The following RBFOX1 variants were observed in gnomAD, a reference collection of about 807,000 sequenced individuals.
RBFOX1 encodes the protein RNA binding protein fox-1 homolog 1.
Under a neutral mutation model 57.7 loss-of-function variants are expected in RBFOX1, and 8 were observed. The ratio of observed to expected loss-of-function variants is 0.14; its 90% CI spans 0.08 to 0.25. The LOEUF (loss-of-function observed/expected upper bound fraction) is 0.25. Among genes scored for constraint, RBFOX1 ranks in the 10% least tolerant of loss-of-function variants. The probability of loss-of-function intolerance (pLI) is 1.00; values close to 1 mark genes in which losing one functional copy is unlikely to be tolerated. For missense variants in RBFOX1, 611 were observed against 548.5 expected (o/e 1.11, Z -1.14); for synonymous variants, 326 against 222.4 (o/e 1.47, Z -4.15).
intron 14 of RBFOX1, among the ~76,000 whole-genome samples, chr16:7,700,238 G>T (rs1247667053): frequency 6.6e-6 from 1 of 152,142 alleles, no homozygotes; most frequent in Non-Finnish European, 1.5e-5. Context: ...GGCAATAGCT[G>T]CAGTCCTCTC....
intron 4 of RBFOX1, among the ~76,000 whole-genome samples, chr16:5,969,973 C>A (rs781205830): frequency 6.6e-6 from 1 of 152,092 alleles, no homozygotes; most frequent in Admixed American, 6.5e-5. Flanking sequence ...TCGCAGCTCA[C>A]TGGGGATACG....
At chr16:6,221,769 C>G (rs1289335615) in intron 1 of RBFOX1, among the ~76,000 whole-genome samples, 1 of 152,058 alleles carries the variant, frequency 6.6e-6, no homozygotes, top group Non-Finnish European at 1.5e-5. Flanking sequence ...CAGAGGAACT[C>G]CCATCTATAA....
chr16:6,119,452 C>T (rs556798382), intron 1 of RBFOX1, among the ~76,000 whole-genome samples: 5 of 152,236 alleles, frequency 3.3e-5, no homozygotes, highest in African/African-American at 9.6e-5. Context: ...CAAGTTTCTT[C>T]ATGGTAAGAT....
chr16:6,251,928 C>T (rs893562137), intron 1 of RBFOX1, among the ~76,000 whole-genome samples: 1 of 152,132 alleles, frequency 6.6e-6, no homozygotes, highest in African/African-American at 2.4e-5. Flanking sequence ...TAAATTCTGT[C>T]TCCTGGTTCC....
At chr16:5,842,737 TAAC>T (rs1162306026) in intron 3 of RBFOX1, among the ~76,000 whole-genome samples, 4 of 152,176 alleles carry the variant, frequency 2.6e-5, no homozygotes, top group Admixed American at 6.5e-5. Flanking sequence ...CCCATAATAA[TAAC>T]AAGGTGGGAC....
intron 2 of RBFOX1, among the ~76,000 whole-genome samples, chr16:5,504,086 G>A (rs182447043): frequency 6.6e-6 from 1 of 152,216 alleles, no homozygotes; most frequent in Non-Finnish European, 1.5e-5. Flanking sequence ...TCCAGAGGGC[G>A]ATGGCTGGGG....
chr16:5,564,636 A>G lies in RBFOX1; in HGVS notation c.259-34266A>G, dbSNP rs562178916. Among the ~76,000 whole-genome samples, 5 of 152,278 alleles carry G rather than the reference A, an allele frequency of 3.3e-5. No homozygotes were observed. In the East Asian group the frequency reaches 9.7e-4, roughly 30 times the overall value. ...CATCTCTTTTTGGAGTCTGTCCTGT[A>G]TCAGATGAGGGAGACTCATACCTAT... is the stretch of plus-strand genomic sequence containing the variant. On this transcript the variant is annotated intron_variant, in intron 2 of 2. Transcript: ENST00000585867.
intron 1 of RBFOX1, among the ~76,000 whole-genome samples, chr16:6,166,963 C>T (rs369464878): frequency 3.9e-5 from 6 of 151,948 alleles, no homozygotes; most frequent in East Asian, 3.9e-4. Context: ...TTAATAGAGT[C>T]GGGGTTTCAC....
intron 3 of RBFOX1, among the ~76,000 whole-genome samples, chr16:6,801,144 G>C (rs1273440244): frequency 1.3e-5 from 2 of 150,778 alleles, no homozygotes; most frequent in Non-Finnish European, 2.9e-5. Flanking sequence ...ATGCTCCTAG[G>C]TGATGTTGAT....
chr16:7,005,530 G>A (rs2093221353), intron 3 of RBFOX1, among the ~76,000 whole-genome samples: 1 of 152,214 alleles, frequency 6.6e-6, no homozygotes, highest in Non-Finnish European at 1.5e-5. Context: ...AATGATAAGT[G>A]TTCTGTAATT....
chr16:6,225,045 A>G (rs2097405966), intron 1 of RBFOX1, among the ~76,000 whole-genome samples: 1 of 113,870 alleles, frequency 8.8e-6, no homozygotes, highest in African/African-American at 3.2e-5. Flanking sequence ...AAAAAAAAAA[A>G]TCACTCACTC....
intron 3 of RBFOX1, among the ~76,000 whole-genome samples, chr16:5,840,174 G>T (rs9935538): frequency 0.41 from 62,025 of 152,046 alleles, 13,469 homozygotes; most frequent in East Asian, 0.63. Context: ...AAAAGACCTG[G>T]ACACTGAGTC....
At chr16:5,469,203 C>T (rs191566389) in intron 2 of RBFOX1, among the ~76,000 whole-genome samples, 170 of 152,322 alleles carry the variant, frequency 1.1e-3, no homozygotes, top group African/African-American at 3.9e-3. Context: ...AGGCATTTTG[C>T]ACTGCTGGGA....
chr16:6,058,833 T>TATCCATCC (rs35496154), intron 1 of RBFOX1, among the ~76,000 whole-genome samples: 40 of 134,410 alleles, frequency 3.0e-4, no homozygotes, highest in African/African-American at 7.1e-4. Flanking sequence ...CTCATTTATT[T>TATCCATCC]ATCCATCCAT....
At chr16:6,384,778 T>C (rs114625757) in intron 2 of RBFOX1, among the ~76,000 whole-genome samples, 2 of 152,222 alleles carry the variant, frequency 1.3e-5, no homozygotes, top group Non-Finnish European at 2.9e-5. Context: ...AGCTTTGCTG[T>C]TTTCTCCGAT....
At chr16:5,596,144 G>T (rs2047174025) in intron 2 of RBFOX1, among the ~76,000 whole-genome samples, 1 of 152,118 alleles carries the variant, frequency 6.6e-6, no homozygotes. Flanking sequence ...AGTGTGGAAG[G>T]GGCAAAGAGG....
intron 4 of RBFOX1, among the ~76,000 whole-genome samples, chr16:7,445,002 G>A (rs1397600019): frequency 1.3e-5 from 2 of 148,726 alleles, no homozygotes; most frequent in Non-Finnish European, 3.0e-5. Flanking sequence ...GCCTGACTTT[G>A]AAGTGTTTGT....
chr16:5,259,189 C>CT (rs79187730), intron 1 of RBFOX1, among the ~76,000 whole-genome samples: 145 of 145,668 alleles, frequency 1.0e-3, no homozygotes, highest in African/African-American at 2.5e-3. Context: ...CTTTTAGTGC[C>CT]TTTTTTTTTT....
chr16:6,599,151 A>C (rs2097815679), intron 2 of RBFOX1, among the ~76,000 whole-genome samples: 1 of 152,218 alleles, frequency 6.6e-6, no homozygotes, highest in African/African-American at 2.4e-5. Flanking sequence ...ATGTACTTGT[A>C]CAAATTTTTC....
Sources: allele counts gnomAD v4.1 joint callset (sites outside exome capture counted in the v4.1 genomes callset), GRCh38; gene constraint gnomAD v4.1.1; transcripts MANE v1.5; gene names NCBI Gene and HGNC (gene_info 2026-07-23, HGNC 2026-07-21).